Variants in HADHB observed in about 807,000 individuals in gnomAD.
HADHB encodes the protein trifunctional enzyme subunit beta, mitochondrial.
In HADHB, 50 loss-of-function variants were observed where a neutral mutation model predicts 61.9. The ratio of observed to expected loss-of-function variants is 0.81; its 90% CI spans 0.64 to 1.02. The LOEUF (loss-of-function observed/expected upper bound fraction) is 1.02. Ranked by LOEUF, HADHB falls within the 50% of genes least tolerant of loss-of-function variation. The pLI is 0.00. For missense variants in HADHB, 504 were observed against 586.5 expected (o/e 0.86, Z 1.45); for synonymous variants, 191 against 201.6 (o/e 0.95, Z 0.45).
At chr2:26,258,073 T>C (rs1054379903) in intron 3 of HADHB, among the ~76,000 whole-genome samples, 7 of 152,116 alleles carry the variant, frequency 4.6e-5, no homozygotes, top group East Asian at 1.9e-4. Context: ...TAGTGTGCCT[T>C]CTTCTGGGAA....
At chr2:26,275,343 A>C (rs1279860911) in intron 6 of HADHB, among the ~76,000 whole-genome samples, 2 of 152,170 alleles carry the variant, frequency 1.3e-5, no homozygotes, top group East Asian at 3.9e-4. Context: ...GGTGTTCATG[A>C]ACCTGACTTT....
intron 1 of HADHB, among the ~76,000 whole-genome samples, chr2:26,248,793 A>G (rs1264535449): frequency 2.6e-5 from 4 of 152,240 alleles, no homozygotes; most frequent in African/African-American, 7.2e-5. Flanking sequence ...GCAGTGGCTC[A>G]TGCCTGTAAT....
chr2:26,271,056 C>CTT (rs540696704), intron 5 of HADHB, among the ~76,000 whole-genome samples: 38 of 140,238 alleles, frequency 2.7e-4, no homozygotes, highest in African/African-American at 4.7e-4. Flanking sequence ...TTTTTTTTTT[C>CTT]TTTTTTTTTT....
At chr2:26,281,574 C>G (rs1372583380) in intron 10 of HADHB, among the ~76,000 whole-genome samples, 1 of 152,172 alleles carries the variant, frequency 6.6e-6, no homozygotes, top group Non-Finnish European at 1.5e-5. Context: ...CCAGGGTATG[C>G]TAAAGGTCCA....
chr2:26,260,142 C>T (rs1159243051), intron 3 of HADHB, among the ~76,000 whole-genome samples: 1 of 145,042 alleles, frequency 6.9e-6, no homozygotes, highest in Non-Finnish European at 1.5e-5. Context: ...AGTGCAGTGG[C>T]ATGATCTCAG....
chr2:26,245,263 GGT>G (rs3839048), intron 1 of HADHB: 400 of 167,670 alleles, frequency 2.4e-3, no homozygotes, highest in African/African-American at 4.9e-3. Context: ...GGGGTGTGGG[GGT>G]GTGTGTGTGT....
chr2:26,258,691 A>G (rs948760452), intron 3 of HADHB, among the ~76,000 whole-genome samples: 5 of 152,182 alleles, frequency 3.3e-5, no homozygotes, highest in African/African-American at 1.2e-4. Context: ...TGCAAGATTT[A>G]ATAAAGTGAA....
At chr2:26,254,760 C>T in intron 3 of HADHB, 2 of 388,662 alleles carry the variant, frequency 5.1e-6, no homozygotes, top group Non-Finnish European at 9.5e-6. Context: ...GTTTATTTAT[C>T]CTCTTGCTGT....
intron 3 of HADHB, among the ~76,000 whole-genome samples, chr2:26,256,218 A>G (rs1177070637): frequency 6.6e-6 from 1 of 152,208 alleles, no homozygotes; most frequent in Admixed American, 6.5e-5. Context: ...AACAATGGGA[A>G]GTGGCCAGCT....
chr2:26,245,775 T>C (rs924597903), intron 1 of HADHB, among the ~76,000 whole-genome samples: 13 of 152,172 alleles, frequency 8.5e-5, no homozygotes, highest in African/African-American at 1.9e-4. Flanking sequence ...GGAAGTCACA[T>C]TGAGAGCCTG....
intron 3 of HADHB, chr2:26,260,698 C>T (rs1671826223): frequency 3.0e-6 from 1 of 328,232 alleles, no homozygotes; most frequent in Admixed American, 4.5e-5. Context: ...AATGGACCCT[C>T]AAGTTAAGGA....
chr2:26,255,397 G>A (rs979221130), intron 3 of HADHB, among the ~76,000 whole-genome samples: 52 of 151,904 alleles, frequency 3.4e-4, no homozygotes, highest in Non-Finnish European at 1.3e-4. Flanking sequence ...CTACTTGGGA[G>A]GCTGAGACAC....
At position 26,272,538 on chromosome 2, in the gene HADHB, G is replaced by A. The variant is rs564323092; in HGVS notation, c.255-1113G>A. ...TTTTTTTTGTATTTTTAGTAGAGAC[G>A]GGGTTTTGCTGTGTTAGCCAGGCTG... On this transcript the variant is annotated intron_variant, in intron 5 of 15. Transcript: ENST00000317799. 5.3e-5 allele frequency among the ~76,000 whole-genome samples: 8 copies of A among 151,644 alleles called. No individual in the cohort carries two copies. In the South Asian group the frequency reaches 1.7e-3, roughly 32 times the overall value.
chr2:26,251,305 G>T (rs954990340), intron 1 of HADHB, among the ~76,000 whole-genome samples: 1 of 151,882 alleles, frequency 6.6e-6, no homozygotes, highest in African/African-American at 2.4e-5. Flanking sequence ...TCCCACCTCA[G>T]CCTCTTGAGT....
At chr2:26,288,211 G>T (rs1490386746) in intron 15 of HADHB, among the ~76,000 whole-genome samples, 1 of 152,128 alleles carries the variant, frequency 6.6e-6, no homozygotes, top group African/African-American at 2.4e-5. Context: ...GCTGTAGTGC[G>T]CTGTATTCAC....
rs369313023 is a variant in HADHB, at chr2:26,279,217, G to A, written c.713G>A (p.Arg238Gln). The change falls in exon 9 of 16, where the codon CGG (arginine) becomes CAG (glutamine). Residue 238 changes from arginine to glutamine, a missense_variant. Physicochemically the swap from Arg to Gln is conservative, Grantham distance 43. Transcript: ENST00000317799. The part of the protein sequence containing the change: ...DRLAAAFAVS[R>Q]LEQDEYALRS... ...CTGGCCGCTGCCTTTGCTGTTTCTC[G>A]GCTGGAACAGGATGAATATGCACTG... The A allele has an allele frequency of 1.2e-5, 19 of 1,613,458 alleles. No individual in the cohort carries two copies. The highest frequency in any genetic ancestry group is 5.5e-5 in the South Asian group (5 of 91,054).
Position 26,278,860 on chromosome 2 carries a change from G to A in HADHB, c.630+59G>A. ...GAGATTTAGAATTAGGTATGGCAGT[G>A]TGGACTCTGCTATGCTGTAATAGGT... is the stretch of plus-strand genomic sequence containing the variant. On this transcript the variant is annotated intron_variant, in intron 8 of 15. Coordinates refer to ENST00000317799, the MANE Select transcript of HADHB (RefSeq NM_000183.3). 6.6e-6 allele frequency: 9 copies of A among 1,372,690 alleles called. No individual in the cohort carries two copies. The Middle Eastern group carries it at 1.4e-3, about 219-fold the overall frequency. 85.0% of individuals were successfully genotyped at this position (1,372,690 alleles called of 1,614,324 possible). A position where few individuals can be genotyped will look rare whatever the true frequency, so the allele number is the denominator to read the frequency against.
intron 8 of HADHB, 29 bp from the exon 9 acceptor site, chr2:26,279,106 A>G: frequency 6.3e-7 from 1 of 1,580,624 alleles, no homozygotes; most frequent in Non-Finnish European, 8.7e-7. Context: ...TTAACAGTGT[A>G]CCTGCTCCTT....
chr2:26,253,871 AAT>A (rs1433971024), intron 1 of HADHB, among the ~76,000 whole-genome samples: 4 of 148,470 alleles, frequency 2.7e-5, no homozygotes, highest in Non-Finnish European at 4.5e-5. Flanking sequence ...TAAATAAATA[AAT>A]AAATAAATAA....
Sources: gnomAD v4.1 joint callset for allele counts (sites outside exome capture counted in the v4.1 genomes callset) on GRCh38, gnomAD v4.1.1 for gene constraint, MANE v1.5 for transcripts, NCBI Gene and HGNC (gene_info 2026-07-23, HGNC 2026-07-21) for gene names.